The following KCTD8 variants were observed in gnomAD, a reference collection of about 807,000 sequenced individuals.
KCTD8 encodes the protein potassium channel tetramerization domain containing 8, also known as BTB/POZ domain-containing protein KCTD8.
KCTD8 carries 27 observed loss-of-function variants against 31.5 expected under a neutral mutation model. That is an observed-to-expected ratio of 0.86 (90% CI 0.63 to 1.18). The LOEUF (loss-of-function observed/expected upper bound fraction) is 1.18, where lower values mean the gene tolerates loss of function less well. Ranked by LOEUF, KCTD8 falls within the 50% of genes most tolerant of loss-of-function variation. The pLI is 0.00. For synonymous variants in KCTD8, 290 were observed against 280.0 expected (o/e 1.04, Z -0.36); for missense variants, 658 against 647.7 (o/e 1.02, Z -0.17).
At chr4:44,290,978 G>A (rs928460262) in intron 1 of KCTD8, among the ~76,000 whole-genome samples, 7 of 151,988 alleles carry the variant, frequency 4.6e-5, no homozygotes, top group African/African-American at 1.4e-4. Flanking sequence ...AGAATTGAAT[G>A]ATATTGAGAA....
chr4:44,352,231 T>A (rs1244781738), intron 1 of KCTD8, among the ~76,000 whole-genome samples: 4 of 151,984 alleles, frequency 2.6e-5, no homozygotes, highest in African/African-American at 9.7e-5. Flanking sequence ...CTCAGTGGTC[T>A]GTTTGGGTTC....
At chr4:44,334,796 C>A (rs1257531770) in intron 1 of KCTD8, among the ~76,000 whole-genome samples, 2 of 151,996 alleles carry the variant, frequency 1.3e-5, no homozygotes, top group Non-Finnish European at 2.9e-5. Context: ...AATTATAAGC[C>A]CATTAAATAA....
chr4:44,322,360 T>G (rs1718318306), intron 1 of KCTD8, among the ~76,000 whole-genome samples: 1 of 152,028 alleles, frequency 6.6e-6, no homozygotes, highest in South Asian at 2.1e-4. Flanking sequence ...ATGTTGAGCA[T>G]TTTTTTCATA....
intron 1 of KCTD8, among the ~76,000 whole-genome samples, chr4:44,442,682 CTAA>C (rs1721842691): frequency 6.6e-6 from 1 of 151,984 alleles, no homozygotes; most frequent in African/African-American, 2.4e-5. Context: ...CAAATTCCAG[CTAA>C]TAATTTATGA....
At chr4:44,291,582 G>A (rs1717275154) in intron 1 of KCTD8, among the ~76,000 whole-genome samples, 1 of 151,916 alleles carries the variant, frequency 6.6e-6, no homozygotes, top group Admixed American at 6.6e-5. Flanking sequence ...TTACGGCTAA[G>A]TCCCCAAAAA....
At chr4:44,406,674 T>C (rs1479203921) in intron 1 of KCTD8, among the ~76,000 whole-genome samples, 3 of 151,776 alleles carry the variant, frequency 2.0e-5, no homozygotes, top group Non-Finnish European at 4.4e-5. Flanking sequence ...AAATATAAAA[T>C]CCAAAAAGTG....
chr4:44,258,666 T>C (rs536728698), intron 1 of KCTD8, among the ~76,000 whole-genome samples: 1 of 152,058 alleles, frequency 6.6e-6, no homozygotes, highest in African/African-American at 2.4e-5. Flanking sequence ...TTAAATATGA[T>C]ATTTAATACA....
At chr4:44,280,156 G>A (rs1054801472) in intron 1 of KCTD8, among the ~76,000 whole-genome samples, 12 of 151,928 alleles carry the variant, frequency 7.9e-5, no homozygotes, top group South Asian at 4.1e-4. Flanking sequence ...CTTACCTTTC[G>A]AAGAACTAAG....
chr4:44,343,990 C>T (rs968319780), intron 1 of KCTD8, among the ~76,000 whole-genome samples: 7 of 151,868 alleles, frequency 4.6e-5, no homozygotes, highest in Non-Finnish European at 7.4e-5. Flanking sequence ...TCCCAGGTAG[C>T]GGGGACTACA....
rs529035222 is a variant in KCTD8, at chr4:44,448,518, A to C, written c.6T>G (p.Ala2=). The part of the protein sequence containing the change: M[A]LKDTGSGGST... ...TGCCGCCGCTGCCCGTGTCCTTCAGAGCCATAGTCCCCCCGCCGCCGGCCC... is the reference window on the plus strand; with the variant it reads ...TGCCGCCGCTGCCCGTGTCCTTCAGCGCCATAGTCCCCCCGCCGCCGGCCC... The change falls in exon 1 of 2, where the codon GCT becomes GCG. Residue 2 remains alanine (A), a synonymous_variant. Coordinates refer to ENST00000360029, the MANE Select transcript of KCTD8 (RefSeq NM_198353.3). This position sits in a 1 kb window ranked among gnomAD's most constrained non-coding sequence, Gnocchi z 4.1. The C allele has an allele frequency of 9.5e-6, 14 of 1,466,906 alleles. No homozygotes were observed. Among genetic ancestry groups the C allele is most frequent in the Non-Finnish European group, 1.3e-5 (14 of 1,113,404 alleles). The allele number at this position is 1,466,906 out of a possible 1,614,324, so 90.9% of individuals were successfully genotyped here.
At chr4:44,218,837 T>C (rs1188563404) in intron 1 of KCTD8, among the ~76,000 whole-genome samples, 1 of 152,132 alleles carries the variant, frequency 6.6e-6, no homozygotes, top group Non-Finnish European at 1.5e-5. Flanking sequence ...TAATAAATTA[T>C]AAAATGTTGC....
At chr4:44,432,731 C>G (rs1348189978) in intron 1 of KCTD8, among the ~76,000 whole-genome samples, 1 of 151,602 alleles carries the variant, frequency 6.6e-6, no homozygotes, top group African/African-American at 2.4e-5. Context: ...TGTAACCACA[C>G]CAGACTACCT....
chr4:44,369,220 A>G lies in KCTD8; in HGVS notation c.961+78343T>C, dbSNP rs115282185. 3.7e-3 allele frequency among the ~76,000 whole-genome samples: 557 copies of G among 152,340 alleles called. 6 individuals are homozygous for G. Among genetic ancestry groups the G allele is most frequent in the African/African-American group, 0.012 (511 of 41,586 alleles). ...TTCTGTAATTGATTGGACAGAGATT[A>G]TTTAAATTCCTTTAAGATTATGTTT... On this transcript the variant is annotated intron_variant, in intron 1 of 1. Coordinates refer to ENST00000360029, the MANE Select transcript of KCTD8 (RefSeq NM_198353.3).
At chr4:44,429,639 T>A (rs768853544) in intron 1 of KCTD8, among the ~76,000 whole-genome samples, 4 of 151,868 alleles carry the variant, frequency 2.6e-5, no homozygotes, top group Non-Finnish European at 4.4e-5. Context: ...AATAACTTTG[T>A]GGCCATGTCA....
At position 44,194,012 on chromosome 4, in the gene KCTD8, G is replaced by A. The variant is rs572752232; in HGVS notation, c.962-18762C>T. Among the ~76,000 whole-genome samples, 3 of 152,192 alleles carry A rather than the reference G, an allele frequency of 2.0e-5. No homozygotes were observed. The South Asian group carries it at 6.2e-4, about 32-fold the overall frequency. ...AATATAACAGAGAAAGAATAGAGAG[G>A]ATGAATCCTAAGACTATTCTTAGGA... is the stretch of plus-strand genomic sequence containing the variant. On this transcript the variant is annotated intron_variant, in intron 1 of 1. Transcript: ENST00000360029.
At chr4:44,405,241 TTTTGTTTGTTTGTTTG>T (rs113965031) in intron 1 of KCTD8, among the ~76,000 whole-genome samples, 1 of 149,296 alleles carries the variant, frequency 6.7e-6, no homozygotes, top group Non-Finnish European at 1.5e-5. Flanking sequence ...AGCCAGGTGT[TTTTGTTTGTTTGTTTG>T]TTTGTTTGTT....
At chr4:44,300,561 A>G (rs1717581583) in intron 1 of KCTD8, among the ~76,000 whole-genome samples, 1 of 152,184 alleles carries the variant, frequency 6.6e-6, no homozygotes, top group African/African-American at 2.4e-5. Context: ...GAAATATTCT[A>G]TTAAAAGGTT....
intron 1 of KCTD8, among the ~76,000 whole-genome samples, chr4:44,424,119 C>T (rs2109472615): frequency 6.6e-6 from 1 of 152,156 alleles, no homozygotes; most frequent in East Asian, 1.9e-4. Context: ...CAATGGATGT[C>T]ATTATCATGA....
intron 1 of KCTD8, among the ~76,000 whole-genome samples, chr4:44,369,007 T>A (rs1229070207): frequency 6.6e-6 from 1 of 152,184 alleles, no homozygotes; most frequent in Non-Finnish European, 1.5e-5. Context: ...ACCTGTAGGC[T>A]GGTTGGCCAC....
Sources: gnomAD v4.1 joint callset for allele counts (sites outside exome capture counted in the v4.1 genomes callset) on GRCh38, gnomAD v4.1.1 for gene constraint, Gnocchi (gnomAD v3.1) non-coding constraint, MANE v1.5 for transcripts, NCBI Gene and HGNC (gene_info 2026-07-23, HGNC 2026-07-21) for gene names.